The following RABGAP1L variants were observed in gnomAD, a reference collection of about 807,000 sequenced individuals.
RABGAP1L encodes the protein RAB GTPase activating protein 1 like, also known as rab GTPase-activating protein 1-like.
A neutral mutation model predicts 137.7 loss-of-function variants in RABGAP1L; 63 were observed. That is an observed-to-expected ratio of 0.46 (90% CI 0.37 to 0.56). The LOEUF is 0.56. Ranked by LOEUF, RABGAP1L falls within the 20% of genes least tolerant of loss-of-function variation. RABGAP1L has a pLI of 0.00. For synonymous variants in RABGAP1L, 431 were observed against 433.7 expected, an observed-to-expected ratio of 0.99 and a Z score of 0.08; for missense variants, 1,095 against 1,244.0, an observed-to-expected ratio of 0.88 and a Z score of 1.80.
intron 14 of RABGAP1L, among the ~76,000 whole-genome samples, chr1:174,663,768 A>G (rs1169867288): frequency 6.6e-6 from 1 of 152,208 alleles, no homozygotes; most frequent in Non-Finnish European, 1.5e-5. Flanking sequence ...CACCTGATGC[A>G]CACATTTCAA....
intron 13 of RABGAP1L, among the ~76,000 whole-genome samples, chr1:174,636,271 C>G (rs1674020748): frequency 6.6e-6 from 1 of 152,128 alleles, no homozygotes; most frequent in Non-Finnish European, 1.5e-5. Flanking sequence ...GTAATCCCAG[C>G]ACTTTGGGAG....
chr1:174,650,383 T>G (rs1557949383), intron 14 of RABGAP1L, among the ~76,000 whole-genome samples: 1 of 152,160 alleles, frequency 6.6e-6, no homozygotes, highest in African/African-American at 2.4e-5. Context: ...CTTTTTCTAT[T>G]GATTGGAATA....
chr1:174,400,560 G>A (rs1480918694), intron 13 of RABGAP1L, among the ~76,000 whole-genome samples: 1 of 152,060 alleles, frequency 6.6e-6, no homozygotes, highest in Non-Finnish European at 1.5e-5. Flanking sequence ...ATCAACTATA[G>A]CCTTATATTG....
intron 17 of RABGAP1L, among the ~76,000 whole-genome samples, chr1:174,745,161 T>C (rs1683771239): frequency 6.6e-6 from 1 of 152,216 alleles, no homozygotes; most frequent in African/African-American, 2.4e-5. Context: ...TTGGTCTTTC[T>C]TCTTTACTGA....
chr1:174,302,396 G>C (rs1300942611), intron 10 of RABGAP1L, among the ~76,000 whole-genome samples: 1 of 152,162 alleles, frequency 6.6e-6, no homozygotes, highest in Non-Finnish European at 1.5e-5. Context: ...ACAGAATTTG[G>C]ATTCAGAAAA....
intron 13 of RABGAP1L, among the ~76,000 whole-genome samples, chr1:174,475,210 C>A (rs1388113524): frequency 6.6e-6 from 1 of 152,070 alleles, no homozygotes; most frequent in African/African-American, 2.4e-5. Flanking sequence ...TGCAGTTCTT[C>A]ATTTCTGATA....
At chr1:174,764,526 G>A (rs1685504871) in intron 18 of RABGAP1L, among the ~76,000 whole-genome samples, 1 of 152,152 alleles carries the variant, frequency 6.6e-6, no homozygotes, top group Admixed American at 6.5e-5. Flanking sequence ...CTAAGTGCAA[G>A]GTCTCCTCCT....
At chr1:174,967,330 ATTTT>A (rs35787924) in intron 20 of RABGAP1L, among the ~76,000 whole-genome samples, 3 of 115,876 alleles carry the variant, frequency 2.6e-5, no homozygotes, top group Admixed American at 1.8e-4. Flanking sequence ...CACCCAGCTA[ATTTT>A]TTTTTTTTTT....
intron 19 of RABGAP1L, among the ~76,000 whole-genome samples, chr1:174,867,005 T>C (rs961425921): frequency 2.6e-5 from 4 of 151,852 alleles, no homozygotes; most frequent in Non-Finnish European, 5.9e-5. Context: ...GGAGGATCAC[T>C]TGAACCCAGG....
chr1:174,839,190 T>A (rs1693121295), intron 19 of RABGAP1L, among the ~76,000 whole-genome samples: 1 of 152,134 alleles, frequency 6.6e-6, no homozygotes, highest in South Asian at 2.1e-4. Context: ...CAACTTGAAA[T>A]TCTCCATCTG....
At chr1:174,580,495 G>A (rs1238287573) in intron 13 of RABGAP1L, among the ~76,000 whole-genome samples, 2 of 152,182 alleles carry the variant, frequency 1.3e-5, no homozygotes, top group Non-Finnish European at 2.9e-5. Context: ...CATGGATTAA[G>A]CTGGAAACCA....
chr1:174,635,719 C>G (rs915892056), intron 13 of RABGAP1L, among the ~76,000 whole-genome samples: 1 of 151,992 alleles, frequency 6.6e-6, no homozygotes, highest in African/African-American at 2.4e-5. Flanking sequence ...GTAATATGTT[C>G]AATGTTTGCT....
At chr1:174,395,563 T>TA (rs1647735723) in intron 13 of RABGAP1L, among the ~76,000 whole-genome samples, 1 of 152,208 alleles carries the variant, frequency 6.6e-6, no homozygotes, top group African/African-American at 2.4e-5. Flanking sequence ...AAAAAACTCT[T>TA]ACATCTTCAC....
At chr1:174,332,377 A>C (rs1316014512) in intron 11 of RABGAP1L, among the ~76,000 whole-genome samples, 4 of 138,686 alleles carry the variant, frequency 2.9e-5, no homozygotes, top group Non-Finnish European at 4.7e-5. Context: ...ATTTTATCTA[A>C]ATTTTTATTT....
chr1:174,374,286 A>G (rs1227260191), intron 12 of RABGAP1L, among the ~76,000 whole-genome samples: 1 of 152,008 alleles, frequency 6.6e-6, no homozygotes, highest in Non-Finnish European at 1.5e-5. Context: ...CGGCAGCTCT[A>G]CTCTCTGGAC....
intron 15 of RABGAP1L, among the ~76,000 whole-genome samples, chr1:174,686,341 C>T (rs191022545): frequency 2.0e-5 from 3 of 152,132 alleles, no homozygotes; most frequent in Admixed American, 6.6e-5. Flanking sequence ...CTGTTTATGA[C>T]AGTTTCTGTC....
intron 14 of RABGAP1L, among the ~76,000 whole-genome samples, chr1:174,647,480 A>G (rs757151474): frequency 1.3e-4 from 20 of 151,858 alleles, no homozygotes; most frequent in African/African-American, 4.8e-4. Context: ...GGTTTTTGTC[A>G]TTGGTTCTGT....
chr1:174,452,077 A>C (rs1655512742), intron 13 of RABGAP1L, among the ~76,000 whole-genome samples: 1 of 152,142 alleles, frequency 6.6e-6, no homozygotes, highest in African/African-American at 2.4e-5. Flanking sequence ...TCATATTTTA[A>C]TGTGTTTGTA....
chr1:174,539,391 C>A lies in RABGAP1L; in HGVS notation c.1711-97984C>A, dbSNP rs544935953. 2.6e-5 allele frequency among the ~76,000 whole-genome samples: 4 copies of A among 151,944 alleles called. No homozygotes were observed. The East Asian group carries it at 7.7e-4, about 29-fold the overall frequency. On this transcript the variant is annotated intron_variant, in intron 13 of 25. Coordinates refer to ENST00000681986, the MANE Select transcript of RABGAP1L (RefSeq NM_001366446.1). ...ATGTGCCACGTGGGTGTGCTGTACCCATTAACTTGTCATTTACATTAGGTA... is the reference window on the plus strand; with the variant it reads ...ATGTGCCACGTGGGTGTGCTGTACCAATTAACTTGTCATTTACATTAGGTA...
Sources: allele counts gnomAD v4.1 joint callset (sites outside exome capture counted in the v4.1 genomes callset), GRCh38; gene constraint gnomAD v4.1.1; transcripts MANE v1.5; gene names NCBI Gene and HGNC (gene_info 2026-07-23, HGNC 2026-07-21).